Variants in GPC6 observed in about 807,000 individuals in gnomAD.
The protein encoded by GPC6 is glypican 6.
In GPC6, 14 loss-of-function variants were observed where a neutral mutation model predicts 55.2. That is an observed-to-expected ratio of 0.25 (90% confidence interval 0.17 to 0.40). The LOEUF is 0.40. Among genes scored for constraint, GPC6 ranks in the 10% least tolerant of loss-of-function variants. GPC6 has a pLI of 1.00. For missense variants in GPC6, 641 were observed against 708.5 expected, an observed-to-expected ratio of 0.90 and a Z score of 1.08; for synonymous variants, 278 against 259.6, an observed-to-expected ratio of 1.07 and a Z score of -0.68.
chr13:93,852,972 A>G (rs183140510), intron 3 of GPC6, among the ~76,000 whole-genome samples: 28 of 151,816 alleles, frequency 1.8e-4, no homozygotes, highest in Admixed American at 4.0e-4. Context: ...CAACATATGT[A>G]CCAATTTCAA....
At chr13:93,583,248 T>C (rs547526505) in intron 2 of GPC6, among the ~76,000 whole-genome samples, 1 of 152,344 alleles carries the variant, frequency 6.6e-6, no homozygotes, top group African/African-American at 2.4e-5. Context: ...TCTCAGCATT[T>C]AGTCGTCTCC....
At chr13:93,870,844 T>A (rs1174375637) in intron 3 of GPC6, among the ~76,000 whole-genome samples, 1 of 151,910 alleles carries the variant, frequency 6.6e-6, no homozygotes, top group Non-Finnish European at 1.5e-5. Context: ...GGTCTTGAAC[T>A]CCTGGGCTCA....
chr13:94,372,456 G>A (rs142190581), intron 6 of GPC6, among the ~76,000 whole-genome samples: 16,046 of 152,112 alleles, frequency 0.11, 1,033 homozygotes, highest in East Asian at 0.31. Flanking sequence ...GGTGACTGAC[G>A]GCACCTGGAA....
At chr13:93,935,518 G>T (rs1594601273) in intron 3 of GPC6, among the ~76,000 whole-genome samples, 3 of 152,080 alleles carry the variant, frequency 2.0e-5, no homozygotes, top group African/African-American at 7.2e-5. Flanking sequence ...CACTTAGGTT[G>T]GTTCCATGAC....
chr13:93,540,937 A>C (rs891880600), intron 1 of GPC6, among the ~76,000 whole-genome samples: 1 of 152,120 alleles, frequency 6.6e-6, no homozygotes, highest in African/African-American at 2.4e-5. Context: ...GAGAACATGC[A>C]ATGTTTATCT....
chr13:94,204,491 G>A (rs1173985277), intron 4 of GPC6, among the ~76,000 whole-genome samples: 4 of 152,100 alleles, frequency 2.6e-5, no homozygotes, highest in South Asian at 2.1e-4. Context: ...ATTTTGAAGT[G>A]GGAGTATTTC....
At chr13:94,119,476 G>C (rs1334988514) in intron 4 of GPC6, among the ~76,000 whole-genome samples, 1 of 150,038 alleles carries the variant, frequency 6.7e-6, no homozygotes, top group African/African-American at 2.5e-5. Flanking sequence ...GGTTGTGGGG[G>C]AATAGCATTA....
intron 1 of GPC6, among the ~76,000 whole-genome samples, chr13:93,444,625 A>G (rs770056250): frequency 7.2e-5 from 11 of 152,164 alleles, no homozygotes; most frequent in Non-Finnish European, 1.3e-4. Flanking sequence ...CAACAACAAC[A>G]ACAATAAAAA....
chr13:93,639,211 A>T (rs1338963070), intron 2 of GPC6, among the ~76,000 whole-genome samples: 2 of 152,124 alleles, frequency 1.3e-5, no homozygotes, highest in South Asian at 4.1e-4. Context: ...GCCTCACTGG[A>T]GAAGTCATTG....
intron 3 of GPC6, among the ~76,000 whole-genome samples, chr13:93,871,027 T>C (rs1889115975): frequency 6.6e-6 from 1 of 151,938 alleles, no homozygotes; most frequent in African/African-American, 2.4e-5. Flanking sequence ...TTTTCACCGC[T>C]ACTTTGAGTT....
chr13:93,554,917 G>A (rs895060686), intron 2 of GPC6, among the ~76,000 whole-genome samples: 4 of 152,024 alleles, frequency 2.6e-5, no homozygotes, highest in Non-Finnish European at 5.9e-5. Flanking sequence ...TTCATTAAAC[G>A]AACAAATATT....
chr13:93,217,219 A>G, the GPC6 span, among the ~76,000 whole-genome samples: 1 of 152,262 alleles, frequency 6.6e-6, no homozygotes, highest in African/African-American at 2.4e-5. Context: ...AAGTAAAATC[A>G]TTATGAACAT....
At chr13:93,448,735 AAC>A (rs1261178468) in intron 1 of GPC6, among the ~76,000 whole-genome samples, 2 of 152,212 alleles carry the variant, frequency 1.3e-5, no homozygotes, top group African/African-American at 2.4e-5. Flanking sequence ...TTATATATGA[AAC>A]AGTGTTTTTA....
chr13:94,157,513 G>T (rs1887995600), intron 4 of GPC6, among the ~76,000 whole-genome samples: 2 of 152,138 alleles, frequency 1.3e-5, no homozygotes, highest in Admixed American at 1.3e-4. Context: ...AGAAGTAATG[G>T]CCCAGGGAGT....
intron 2 of GPC6, among the ~76,000 whole-genome samples, chr13:93,649,716 G>A (rs1454752076): frequency 6.6e-6 from 1 of 152,098 alleles, no homozygotes; most frequent in Non-Finnish European, 1.5e-5. Context: ...TGCAGATAAA[G>A]TACCACATAT....
At chr13:94,105,310 G>C (rs1886012681) in intron 4 of GPC6, among the ~76,000 whole-genome samples, 1 of 152,190 alleles carries the variant, frequency 6.6e-6, no homozygotes, top group Non-Finnish European at 1.5e-5. Flanking sequence ...AGTGAGCCAT[G>C]ATAGAGCCAC....
At chr13:93,970,505 C>T (rs750919700) in intron 3 of GPC6, among the ~76,000 whole-genome samples, 3 of 152,210 alleles carry the variant, frequency 2.0e-5, no homozygotes, top group Admixed American at 6.5e-5. Context: ...TACACTTATA[C>T]CTCTGTCCTA....
intron 3 of GPC6, among the ~76,000 whole-genome samples, chr13:93,947,809 C>T (rs1879080210): frequency 6.6e-6 from 1 of 151,814 alleles, no homozygotes; most frequent in Non-Finnish European, 1.5e-5. Flanking sequence ...TTGTGGAAAC[C>T]TTGATAAATT....
intron 1 of GPC6, among the ~76,000 whole-genome samples, chr13:93,511,951 T>C (rs1322945417): frequency 6.6e-6 from 1 of 152,088 alleles, no homozygotes; most frequent in Non-Finnish European, 1.5e-5. Context: ...CTATTTTAAA[T>C]GGGATTGCCT....
Sources: allele counts gnomAD v4.1 joint callset (sites outside exome capture counted in the v4.1 genomes callset), GRCh38; gene constraint gnomAD v4.1.1; transcripts MANE v1.5; gene names NCBI Gene and HGNC (gene_info 2026-07-23, HGNC 2026-07-21).